The following SLC30A9 variants were observed in gnomAD, a reference collection of about 807,000 sequenced individuals.
SLC30A9 encodes the protein solute carrier family 30 member 9, also known as proton-coupled zinc antiporter SLC30A9, mitochondrial.
A neutral mutation model predicts 87.5 loss-of-function variants in SLC30A9; 58 were observed. That is an observed-to-expected ratio of 0.66 (90% CI 0.54 to 0.82). The LOEUF (loss-of-function observed/expected upper bound fraction) is 0.82. Ranked by LOEUF, SLC30A9 falls within the 40% of genes least tolerant of loss-of-function variation. The pLI is 0.00. For synonymous variants in SLC30A9, 234 were observed against 233.0 expected (o/e 1.00, Z -0.04); for missense variants, 557 against 679.1 (o/e 0.82, Z 2.00).
chr4:42,029,950 A>G (rs144403876), intron 6 of SLC30A9: 59 of 847,616 alleles, frequency 7.0e-5, no homozygotes, highest in East Asian at 4.9e-4. Context: ...TATCCCTACT[A>G]TGGCAAACTC....
At chr4:42,020,812 G>A (rs994728582) in intron 4 of SLC30A9, 58 of 229,242 alleles carry the variant, frequency 2.5e-4, no homozygotes, top group Admixed American at 2.0e-3. Context: ...TAAGTCATTG[G>A]TATGTGACAG....
intron 2 of SLC30A9, among the ~76,000 whole-genome samples, chr4:42,005,724 A>AT (rs1715173596): frequency 6.6e-6 from 1 of 152,176 alleles, no homozygotes; most frequent in South Asian, 2.1e-4. Context: ...TTTTCGTATC[A>AT]TTTTTTGCTA....
chr4:42,073,151 C>T (rs986043491), intron 15 of SLC30A9, among the ~76,000 whole-genome samples: 1 of 152,094 alleles, frequency 6.6e-6, no homozygotes, highest in African/African-American at 2.4e-5. Flanking sequence ...TAGGTGTGAG[C>T]ACCGTGCCCG....
In SLC30A9 at chr4:41,995,105, A is replaced by G. The variant is rs147384363; in HGVS notation, c.109+4345A>G. Among the ~76,000 whole-genome samples, 956 of 148,960 alleles carry G rather than the reference A, an allele frequency of 6.4e-3. 4 individuals carry two copies. Among genetic ancestry groups the G allele is most frequent in the African/African-American group, 0.013 (516 of 40,460 alleles). On this transcript the variant is annotated intron_variant, in intron 1 of 17. Transcript: ENST00000264451. ...AAAACCTGTCTCTACTAAAAACACA[A>G]AAAAATTAGCTGGGCATGGTGGCAG...
intron 7 of SLC30A9, among the ~76,000 whole-genome samples, chr4:42,037,960 C>T (rs569186844): frequency 3.9e-5 from 6 of 152,006 alleles, no homozygotes; most frequent in East Asian, 3.9e-4. Flanking sequence ...TTAGTAGAGA[C>T]GGGGTTTTAC....
At chr4:42,017,944 T>C (rs937832540) in intron 2 of SLC30A9, among the ~76,000 whole-genome samples, 167 bp from the exon 3 acceptor site, 8 of 152,146 alleles carry the variant, frequency 5.3e-5, no homozygotes, top group Non-Finnish European at 1.0e-4. Context: ...ATGAGATAAA[T>C]AGCTTTTGTA....
At chr4:42,082,052 C>G (rs1231957778) in intron 17 of SLC30A9, among the ~76,000 whole-genome samples, 1 of 151,820 alleles carries the variant, frequency 6.6e-6, no homozygotes, top group Non-Finnish European at 1.5e-5. Context: ...CCCGTCTCTA[C>G]TAAAAATACA....
At chr4:42,033,952 A>T (rs552731796) in intron 6 of SLC30A9, among the ~76,000 whole-genome samples, 1 of 152,266 alleles carries the variant, frequency 6.6e-6, no homozygotes, top group South Asian at 2.1e-4. Context: ...CATTTATTTT[A>T]TAATACTCTG....
In SLC30A9 at chr4:42,026,937, TATTA is replaced by T. The variant is rs144770184; in HGVS notation, c.610+3557_610+3560del. Among the ~76,000 whole-genome samples the T allele has an allele frequency of 3.3e-3, 510 of 152,320 alleles. 2 individuals carry two copies. Among genetic ancestry groups the T allele is most frequent in the Non-Finnish European group, 5.1e-3 (344 of 68,032 alleles). ...CTAGAAGTCTAATTCTAAATTTACCTATTAATTCTGTGGGGTTTTTTTTGTTTAT... is the reference window on the plus strand; with the variant it reads ...CTAGAAGTCTAATTCTAAATTTACCTATTCTGTGGGGTTTTTTTTGTTTAT... On this transcript the variant is annotated intron_variant, in intron 6 of 17. Coordinates refer to ENST00000264451, the MANE Select transcript of SLC30A9 (RefSeq NM_006345.4).
rs1226992529 is a variant in SLC30A9, at chr4:42,020,014, GGTC to G, written c.335-401_335-399del. On this transcript the variant is annotated intron_variant, in intron 3 of 17. Coordinates refer to ENST00000264451, the MANE Select transcript of SLC30A9 (RefSeq NM_006345.4). Reference sequence around the variant, plus strand: ...AGGGTTTCACCATGTTGGCCAGGCTGGTCTCAAACTCTTGACCTCAAGTGATCC... The same window carrying G: ...AGGGTTTCACCATGTTGGCCAGGCTGTCAAACTCTTGACCTCAAGTGATCC... Among the ~76,000 whole-genome samples, 11 of 152,070 alleles carry G rather than the reference GGTC, an allele frequency of 7.2e-5. No homozygotes were observed. The South Asian group carries it at 1.7e-3, about 23-fold the overall frequency.
At chr4:42,034,493 T>C (rs149132727) in intron 6 of SLC30A9, among the ~76,000 whole-genome samples, 14 of 152,054 alleles carry the variant, frequency 9.2e-5, no homozygotes, top group Admixed American at 3.3e-4. Flanking sequence ...TTGAATACTT[T>C]AGATACCTCA....
chr4:42,012,250 ATTG>A, intron 2 of SLC30A9, among the ~76,000 whole-genome samples: 1 of 152,278 alleles, frequency 6.6e-6, no homozygotes, highest in South Asian at 2.1e-4. Context: ...TATCAGCCTA[ATTG>A]TTGTTCTACT....
chr4:42,044,144 G>T (rs1717042057), intron 8 of SLC30A9, among the ~76,000 whole-genome samples: 1 of 152,070 alleles, frequency 6.6e-6, no homozygotes, highest in Non-Finnish European at 1.5e-5. Flanking sequence ...TAAAGAAACT[G>T]CATCAACTAA....
At chr4:41,997,554 A>G (rs775909954) in intron 1 of SLC30A9, among the ~76,000 whole-genome samples, 9 of 151,702 alleles carry the variant, frequency 5.9e-5, no homozygotes, top group East Asian at 1.9e-4. Flanking sequence ...ATCATACTGT[A>G]TAAGTCTTCC....
intron 7 of SLC30A9, 102 bp downstream of exon 7, chr4:42,035,435 A>T (rs2153137058): frequency 7.5e-7 from 1 of 1,331,702 alleles, no homozygotes; most frequent in East Asian, 2.5e-5. Context: ...TCAATCTAAG[A>T]TTTTCTTGAG....
At chr4:42,053,107 C>A (rs889473036) in intron 9 of SLC30A9, among the ~76,000 whole-genome samples, 1 of 152,144 alleles carries the variant, frequency 6.6e-6, no homozygotes, top group African/African-American at 2.4e-5. Flanking sequence ...CCAGTGGACA[C>A]CTGAAAATGT....
chr4:42,088,164 A>C lies in SLC30A9; in HGVS notation c.*2038A>C, dbSNP rs1477712559. On this transcript the variant is annotated 3_prime_UTR_variant, in exon 18 of 18. Coordinates refer to ENST00000264451, the MANE Select transcript of SLC30A9 (RefSeq NM_006345.4). ...CTTACATAAAGTTTGTTTATGTAAA[A>C]TAAGACATAAAGGAGTACAACATAT... 6.6e-6 allele frequency: 1 copy of C among 152,228 alleles called. No homozygotes were observed. Among genetic ancestry groups the C allele is most frequent in the African/African-American group, 2.4e-5 (1 of 41,452 alleles). The allele number at this position is 152,228 out of a possible 1,614,324, so 9.4% of individuals were successfully genotyped here. A position where few individuals can be genotyped will look rare whatever the true frequency, so the allele number is the denominator to read the frequency against.
intron 17 of SLC30A9, among the ~76,000 whole-genome samples, chr4:42,083,035 G>C (rs1375054673): frequency 1.3e-5 from 2 of 152,140 alleles, no homozygotes; most frequent in Admixed American, 1.3e-4. Flanking sequence ...CTGTATTTCA[G>C]AGTATAGATA....
intron 17 of SLC30A9, among the ~76,000 whole-genome samples, chr4:42,082,850 A>G (rs914324240): frequency 6.6e-6 from 1 of 151,480 alleles, no homozygotes; most frequent in African/African-American, 2.4e-5. Context: ...TCCATCTCAA[A>G]AAAAAAAAAA....
Sources: gnomAD v4.1 joint callset for allele counts (sites outside exome capture counted in the v4.1 genomes callset) on GRCh38, gnomAD v4.1.1 for gene constraint, MANE v1.5 for transcripts, NCBI Gene and HGNC (gene_info 2026-07-23, HGNC 2026-07-21) for gene names.